SORCS3: variants seen among roughly 807,000 people sequenced by gnomAD.
SORCS3 encodes sortilin related VPS10 domain containing receptor 3, also known as VPS10 domain-containing receptor SorCS3.
Under a neutral mutation model 146.3 loss-of-function variants are expected in SORCS3, and 57 were observed. The observed-to-expected ratio is 0.39, with a 90% CI of 0.31 to 0.49. SORCS3 has a LOEUF of 0.49. SORCS3 is among the 20% of genes least tolerant of loss of function. The probability of loss-of-function intolerance (pLI) is 0.92; values close to 1 mark genes in which losing one functional copy is unlikely to be tolerated. For missense variants in SORCS3, 1,341 were observed against 1,575.5 expected (o/e 0.85, Z 2.52); for synonymous variants, 653 against 618.5 (o/e 1.06, Z -0.83).
At chr10:104,862,221 AAAG>A (rs2018411211) in intron 2 of SORCS3, among the ~76,000 whole-genome samples, 2 of 152,124 alleles carry the variant, frequency 1.3e-5, no homozygotes, top group African/African-American at 2.4e-5. Context: ...GATTTGGGGA[AAAG>A]AGAGTGCATA....
intron 11 of SORCS3, among the ~76,000 whole-genome samples, chr10:105,161,903 G>C (rs913957179): frequency 6.6e-6 from 1 of 151,974 alleles, no homozygotes; most frequent in African/African-American, 2.4e-5. Context: ...GCCCCTTTCC[G>C]TGCCAGCTCC....
At chr10:105,083,218 A>T (rs1412194254) in intron 5 of SORCS3, among the ~76,000 whole-genome samples, 1 of 152,052 alleles carries the variant, frequency 6.6e-6, no homozygotes, top group African/African-American at 2.4e-5. Context: ...ATACTGAAAC[A>T]ATTTATCTTT....
At chr10:104,700,792 A>C (rs957857147) in intron 1 of SORCS3, among the ~76,000 whole-genome samples, 2 of 152,206 alleles carry the variant, frequency 1.3e-5, no homozygotes, top group African/African-American at 4.8e-5. Flanking sequence ...AATAAAAGGC[A>C]GGGGCTCAGC....
chr10:105,243,944 A>G (rs961801776), intron 20 of SORCS3, among the ~76,000 whole-genome samples: 6 of 152,098 alleles, frequency 3.9e-5, no homozygotes, highest in African/African-American at 1.4e-4. Flanking sequence ...CAAGCCATAC[A>G]TGGGTATGTT....
intron 2 of SORCS3, among the ~76,000 whole-genome samples, chr10:104,860,597 A>G (rs2018390389): frequency 6.6e-6 from 1 of 152,312 alleles, no homozygotes; most frequent in Admixed American, 6.5e-5. Context: ...AAGAAAAAAA[A>G]TGAAAACAAC....
At chr10:104,881,113 C>T (rs989406135) in intron 2 of SORCS3, among the ~76,000 whole-genome samples, 11 of 152,154 alleles carry the variant, frequency 7.2e-5, no homozygotes, top group African/African-American at 2.7e-4. Flanking sequence ...CATCAGGAAA[C>T]CCATATTTAA....
intron 19 of SORCS3, among the ~76,000 whole-genome samples, chr10:105,220,580 T>C (rs190120201): frequency 6.6e-6 from 1 of 152,098 alleles, no homozygotes; most frequent in Admixed American, 6.5e-5. Flanking sequence ...AGGATAGCAG[T>C]GAGAAGAGAA....
intron 3 of SORCS3, among the ~76,000 whole-genome samples, chr10:104,928,151 C>T (rs2019168951): frequency 6.6e-6 from 1 of 151,980 alleles, no homozygotes; most frequent in Non-Finnish European, 1.5e-5. Context: ...TTATAGACTC[C>T]CAAAAGCCCA....
intron 2 of SORCS3, among the ~76,000 whole-genome samples, chr10:104,853,440 A>C (rs2018295743): frequency 1.3e-5 from 2 of 152,250 alleles, no homozygotes. Context: ...TTGGAAGGAT[A>C]CTGGAATTGC....
intron 3 of SORCS3, among the ~76,000 whole-genome samples, chr10:104,961,089 G>C (rs1337337863): frequency 1.3e-5 from 2 of 151,962 alleles, no homozygotes; most frequent in African/African-American, 4.8e-5. Context: ...GGCATTTTTT[G>C]CTTTATCTTT....
At chr10:105,109,085 A>G (rs1397648981) in intron 7 of SORCS3, among the ~76,000 whole-genome samples, 1 of 152,172 alleles carries the variant, frequency 6.6e-6, no homozygotes, top group Non-Finnish European at 1.5e-5. Flanking sequence ...ATGAATAGAA[A>G]TTTATATAAC....
chr10:104,931,107 G>C (rs2019201789), intron 3 of SORCS3, among the ~76,000 whole-genome samples: 1 of 152,158 alleles, frequency 6.6e-6, no homozygotes, highest in Non-Finnish European at 1.5e-5. Flanking sequence ...ATGTGGAGCT[G>C]GCAAGTGACT....
intron 3 of SORCS3, among the ~76,000 whole-genome samples, chr10:104,959,960 T>C (rs2054783384): frequency 6.6e-6 from 1 of 152,142 alleles, no homozygotes; most frequent in Admixed American, 6.5e-5. Context: ...TAAGGCACCA[T>C]TGGTTATTAC....
intron 1 of SORCS3, among the ~76,000 whole-genome samples, chr10:104,731,551 C>T (rs752347695): frequency 1.3e-5 from 2 of 152,166 alleles, no homozygotes; most frequent in East Asian, 1.9e-4. Context: ...GGCTCAGTTT[C>T]CCTGTCACCT....
At chr10:104,843,031 T>C (rs900526892) in intron 2 of SORCS3, among the ~76,000 whole-genome samples, 172 bp downstream of exon 2, 1 of 152,222 alleles carries the variant, frequency 6.6e-6, no homozygotes, top group African/African-American at 2.4e-5. Context: ...ATTCCTTTCC[T>C]GCTCTGCTTA....
At chr10:104,674,553 G>A (rs1039411277) in intron 1 of SORCS3, among the ~76,000 whole-genome samples, 1 of 152,222 alleles carries the variant, frequency 6.6e-6, no homozygotes, top group Non-Finnish European at 1.5e-5. Flanking sequence ...TCTTCCCTCA[G>A]TTGAGCCTTG....
chr10:105,084,827 T>G (rs1328051770), intron 5 of SORCS3, among the ~76,000 whole-genome samples: 2 of 151,614 alleles, frequency 1.3e-5, no homozygotes, highest in East Asian at 3.9e-4. Context: ...ACCTCCCGGG[T>G]TCACGCCATT....
intron 12 of SORCS3, 87 bp downstream of exon 12, chr10:105,164,466 A>C (rs2056295676): frequency 1.0e-6 from 1 of 991,052 alleles, no homozygotes; most frequent in Non-Finnish European, 1.6e-6. Flanking sequence ...TCTCAGCCTC[A>C]TTATGACTTT....
At chr10:104,874,073 A>G (rs2018546004) in intron 2 of SORCS3, among the ~76,000 whole-genome samples, 1 of 152,206 alleles carries the variant, frequency 6.6e-6, no homozygotes. Flanking sequence ...AACACAGTGA[A>G]GGGAGCTTAT....
Sources: gnomAD v4.1 joint callset for allele counts (sites outside exome capture counted in the v4.1 genomes callset) on GRCh38, gnomAD v4.1.1 for gene constraint, MANE v1.5 for transcripts, NCBI Gene and HGNC (gene_info 2026-07-23, HGNC 2026-07-21) for gene names.